RGL1: variants seen among roughly 807,000 people sequenced by gnomAD.
RGL1 encodes ral guanine nucleotide dissociation stimulator-like 1.
Under a neutral mutation model 95.2 loss-of-function variants are expected in RGL1, and 24 were observed. The observed-to-expected ratio is 0.25, with a 90% confidence interval of 0.18 to 0.35. RGL1 has a LOEUF of 0.35. Among genes scored for constraint, RGL1 ranks in the 10% least tolerant of loss-of-function variants. RGL1 has a pLI of 1.00. For synonymous variants in RGL1, 329 were observed against 344.9 expected, an observed-to-expected ratio of 0.95 and a Z score of 0.51; for missense variants, 715 against 936.3, an observed-to-expected ratio of 0.76 and a Z score of 3.08.
chr1:183,654,573 T>A (rs960678078), intron 1 of RGL1, among the ~76,000 whole-genome samples: 2 of 152,210 alleles, frequency 1.3e-5, no homozygotes, highest in East Asian at 1.9e-4. Flanking sequence ...GAGGGCCTGC[T>A]CAGTTCTGTA....
At chr1:183,924,317 G>A (rs1669486446) in intron 17 of RGL1, among the ~76,000 whole-genome samples, 1 of 152,116 alleles carries the variant, frequency 6.6e-6, no homozygotes, top group South Asian at 2.1e-4. Flanking sequence ...TCCTTTGCAG[G>A]GACATGGATG....
At chr1:183,774,107 CA>C (rs776953552) in intron 2 of RGL1, among the ~76,000 whole-genome samples, 2 of 152,138 alleles carry the variant, frequency 1.3e-5, no homozygotes, top group Non-Finnish European at 2.9e-5. Context: ...CCCCTTGATA[CA>C]AAGTATGCAT....
At chr1:183,824,899 T>C (rs1214641691) in intron 2 of RGL1, among the ~76,000 whole-genome samples, 1 of 152,136 alleles carries the variant, frequency 6.6e-6, no homozygotes, top group Non-Finnish European at 1.5e-5. Flanking sequence ...AGAAATGTAA[T>C]CACCCTCCGC....
intron 4 of RGL1, among the ~76,000 whole-genome samples, chr1:183,867,282 TAGGGAAGTAG>T (rs1299777101): frequency 6.6e-6 from 1 of 151,898 alleles, no homozygotes. Context: ...TGTTTAGAGT[TAGGGAAGTAG>T]AGCGTCTGGC....
intron 1 of RGL1, among the ~76,000 whole-genome samples, chr1:183,639,926 T>C (rs1649809301): frequency 6.6e-6 from 1 of 151,928 alleles, no homozygotes; most frequent in South Asian, 2.1e-4. Context: ...CACTGCAACC[T>C]CCGACTCCCT....
chr1:183,894,443 A>G (rs1667580607), intron 9 of RGL1, among the ~76,000 whole-genome samples: 1 of 152,252 alleles, frequency 6.6e-6, no homozygotes. Flanking sequence ...GTGCATTATC[A>G]TTAATGATAG....
chr1:183,648,461 T>C, intron 1 of RGL1: 1 of 1,614,240 alleles, frequency 6.2e-7, no homozygotes, highest in South Asian at 1.1e-5. Context: ...TGTATATGGC[T>C]GAGTCAAGAT....
At chr1:183,857,840 A>G (rs1665252236) in intron 3 of RGL1, among the ~76,000 whole-genome samples, 1 of 152,210 alleles carries the variant, frequency 6.6e-6, no homozygotes, top group African/African-American at 2.4e-5. Context: ...AATTCTGGAT[A>G]GGAACATGTG....
intron 1 of RGL1, among the ~76,000 whole-genome samples, chr1:183,738,437 AAAAG>A (rs1453529975): frequency 3.3e-5 from 5 of 152,242 alleles, no homozygotes; most frequent in Non-Finnish European, 7.4e-5. Flanking sequence ...AAAAGAAAGA[AAAAG>A]AAAGAAGTCA....
At chr1:183,881,619 G>C (rs1666831376) in intron 5 of RGL1, among the ~76,000 whole-genome samples, 1 of 152,176 alleles carries the variant, frequency 6.6e-6, no homozygotes, top group African/African-American at 2.4e-5. Context: ...TACCCTGAAG[G>C]GATGCCTGAC....
chr1:183,748,615 C>A lies in RGL1; in HGVS notation c.132+6326C>A, dbSNP rs565099356. Among the ~76,000 whole-genome samples, 16 of 152,076 alleles carry A rather than the reference C, an allele frequency of 1.1e-4. No individual in the cohort carries two copies. In the South Asian group the frequency reaches 3.3e-3, roughly 32 times the overall value. On this transcript the variant is annotated intron_variant, in intron 2 of 18. Coordinates refer to the RGL1 transcript ENST00000304685. ...AGAGTTGGGGGTCTCACTGTGTTAG[C>A]CAGGATGGTCTCGATCTCCTGACCT...
intron 10 of RGL1, 85 bp from the exon 11 acceptor site, chr1:183,900,065 A>G (rs1276167490): frequency 4.9e-6 from 5 of 1,030,560 alleles, no homozygotes; most frequent in Non-Finnish European, 6.1e-6. Flanking sequence ...CCTTGAATAC[A>G]TCCATTTGCT....
At chr1:183,825,140 G>A (rs1238321123) in intron 2 of RGL1, among the ~76,000 whole-genome samples, 2 of 152,140 alleles carry the variant, frequency 1.3e-5, no homozygotes, top group East Asian at 3.8e-4. Flanking sequence ...TAGAAACAGG[G>A]ATTCTGTGAA....
At chr1:183,870,946 C>CT (rs1666148871) in intron 4 of RGL1, among the ~76,000 whole-genome samples, 1 of 152,210 alleles carries the variant, frequency 6.6e-6, no homozygotes, top group Admixed American at 6.5e-5. Context: ...CTCTATCACT[C>CT]TGTCACTTAC....
chr1:183,894,454 T>C (rs1315676663), intron 9 of RGL1, among the ~76,000 whole-genome samples: 1 of 152,238 alleles, frequency 6.6e-6, no homozygotes, highest in African/African-American at 2.4e-5. Flanking sequence ...TTAATGATAG[T>C]GAAATGCTTT....
chr1:183,824,393 T>C (rs1662710353), intron 2 of RGL1, among the ~76,000 whole-genome samples: 1 of 152,220 alleles, frequency 6.6e-6, no homozygotes. Context: ...TCACCTTCTC[T>C]ATCTTGGGCT....
intron 3 of RGL1, among the ~76,000 whole-genome samples, chr1:183,862,214 G>A (rs1665553655): frequency 6.6e-6 from 1 of 152,132 alleles, no homozygotes; most frequent in Non-Finnish European, 1.5e-5. Context: ...ATGGTGGCAT[G>A]CATCTGTGGT....
chr1:183,757,431 T>C (rs1223969530), intron 2 of RGL1, among the ~76,000 whole-genome samples: 1 of 152,260 alleles, frequency 6.6e-6, no homozygotes, highest in Non-Finnish European at 1.5e-5. Flanking sequence ...TGTGGTTTGA[T>C]GACAGAGCTA....
At chr1:183,783,319 C>T (rs907055167) in intron 2 of RGL1, among the ~76,000 whole-genome samples, 11 of 152,096 alleles carry the variant, frequency 7.2e-5, no homozygotes, top group African/African-American at 2.7e-4. Context: ...CACACACATA[C>T]ATATATATAA....
Sources: gnomAD v4.1 joint callset for allele counts (sites outside exome capture counted in the v4.1 genomes callset) on GRCh38, gnomAD v4.1.1 for gene constraint, MANE v1.5 for transcripts, NCBI Gene and HGNC (gene_info 2026-07-23, HGNC 2026-07-21) for gene names.